Variants in KMT2C observed in about 807,000 individuals in gnomAD.
KMT2C encodes the protein lysine methyltransferase 2C.
KMT2C carries 88 observed loss-of-function variants against 507.9 expected under a neutral mutation model. The observed-to-expected ratio is 0.17, with a 90% confidence interval of 0.15 to 0.21. The LOEUF (loss-of-function observed/expected upper bound fraction) is 0.21, where lower values mean the gene tolerates loss of function less well. Ranked by LOEUF, KMT2C falls within the 10% of genes least tolerant of loss-of-function variation. The pLI is 1.00. For synonymous variants in KMT2C, 2,049 were observed against 2,080.8 expected (o/e 0.98, Z 0.42); for missense variants, 4,954 against 5,957.8 (o/e 0.83, Z 5.55).
In KMT2C at chr7:152,199,307, G is replaced by C. The variant is rs772037783; in HGVS notation, c.4245C>G (p.Ser1415=). Residue 1415 remains serine (S), a synonymous_variant, in exon 27 of 59, where the codon TCC becomes TCG. Transcript: ENST00000262189. ...DPSLDPLLSS[S]SAPTKSGTHG... is the part of the protein sequence containing the mutation. ...GAGTTCCAGATTTTGTTGGAGCCGA[G>C]GATGAACTAAGTAGTGGATCTAAGG... 5 of 1,596,758 alleles carry C rather than the reference G, an allele frequency of 3.1e-6. No homozygotes were observed. In the African/African-American group the frequency reaches 4.1e-5, roughly 13 times the overall value.
intron 2 of KMT2C, among the ~76,000 whole-genome samples, chr7:152,335,326 A>G (rs1464262794): frequency 6.6e-6 from 1 of 152,218 alleles, no homozygotes; most frequent in Non-Finnish European, 1.5e-5. Context: ...AGAGTCCCAG[A>G]ATACATTTTG....
At chr7:152,356,786 G>A (rs998143077) in intron 2 of KMT2C, among the ~76,000 whole-genome samples, 2 of 149,720 alleles carry the variant, frequency 1.3e-5, no homozygotes, top group African/African-American at 4.9e-5. Flanking sequence ...GACCAGGAGG[G>A]AGACTGAGGC....
At chr7:152,146,517 AC>A in intron 53 of KMT2C, 81 bp downstream of exon 53, 1 of 1,391,610 alleles carries the variant, frequency 7.2e-7, no homozygotes, top group Non-Finnish European at 1.0e-6. Flanking sequence ...GAAGAGTGCC[AC>A]AAATGTTACA....
Position 152,181,061 on chromosome 7 carries a change from T to C in KMT2C, c.6799A>G (p.Arg2267Gly), listed in dbSNP as rs1398065096. ...RGPALPGPLV[R>G]PPDTCSQTPR... ...GTCTGGGAACATGTATCAGGTGGCC[T>C]TACCAACGGGCCAGGTAAAGCTGGT... Residue 2267 changes from arginine to glycine, a missense_variant, in exon 36 of 59, where the codon AGG (arginine) becomes GGG (glycine). By Grantham distance (125) the Arg-to-Gly change is moderately radical (BLOSUM62 -2). Transcript: ENST00000262189. The C allele has an allele frequency of 3.7e-6, 6 of 1,614,044 alleles. No homozygotes were observed. Among genetic ancestry groups the C allele is most frequent in the Non-Finnish European group, 1.7e-6 (2 of 1,180,028 alleles).
Position 152,368,530 on chromosome 7 carries a change from C to A in KMT2C, c.162-9855G>T, listed in dbSNP as rs530325531. 3.2e-5 allele frequency: 44 copies of A among 1,357,620 alleles called. 1 individual carries two copies. In the East Asian group the frequency reaches 1.1e-3, roughly 33 times the overall value. The allele number at this position is 1,357,620 out of a possible 1,614,324, so 84.1% of individuals were successfully genotyped here. Reference sequence around the variant, plus strand: ...AATGAAAAAGAATTTGGAAGCACAGCACAAAGAATTAGAGGAAAAACGTCG... The same window carrying A: ...AATGAAAAAGAATTTGGAAGCACAGAACAAAGAATTAGAGGAAAAACGTCG... On this transcript the variant is annotated intron_variant, in intron 1 of 58. Coordinates refer to ENST00000262189, the MANE Select transcript of KMT2C (RefSeq NM_170606.3).
At chr7:152,159,568 A>T (rs760372001) in intron 43 of KMT2C, among the ~76,000 whole-genome samples, 1 of 152,254 alleles carries the variant, frequency 6.6e-6, no homozygotes, top group African/African-American at 2.4e-5. Context: ...GAGAACAGAT[A>T]GCACCAGACA....
In KMT2C at chr7:152,256,952, C is replaced by G. The variant is rs144523546; in HGVS notation, c.1300-4237G>C. ...CCCAAGAAAGGGAATCTGACAGTAT[C>G]TAACAAAGCTACATATGTGTACACT... On this transcript the variant is annotated intron_variant, in intron 9 of 58. Transcript: ENST00000262189. 2.0e-3 allele frequency among the ~76,000 whole-genome samples: 297 copies of G among 152,230 alleles called. 2 individuals carry two copies. Among genetic ancestry groups the G allele is most frequent in the Admixed American group, 1.6e-3 (24 of 15,280 alleles).
intron 7 of KMT2C, among the ~76,000 whole-genome samples, chr7:152,269,593 A>G (rs2095921229): frequency 1.3e-5 from 2 of 152,248 alleles, no homozygotes. Flanking sequence ...GACAGGCTAT[A>G]ACTAAAGATA....
At chr7:152,354,698 G>A (rs1014988799) in intron 2 of KMT2C, among the ~76,000 whole-genome samples, 2 of 152,158 alleles carry the variant, frequency 1.3e-5, no homozygotes, top group Non-Finnish European at 2.9e-5. Flanking sequence ...GACAAAAAGT[G>A]CAAATGCCTG....
In KMT2C at chr7:152,151,588, G is replaced by A. The variant is rs2129096724; in HGVS notation, c.12527-7C>T. 3.7e-6 allele frequency: 6 copies of A among 1,610,652 alleles called. No individual in the cohort carries two copies. Among genetic ancestry groups the A allele is most frequent in the African/African-American group, 1.3e-5 (1 of 74,882 alleles). On this transcript the variant is annotated splice_polypyrimidine_tract_variant and splice_region_variant and intron_variant, in intron 49 of 58. Transcript: ENST00000262189. ...TCCTTATATCCAGAAAGACCTAAAG[G>A]CAATCAACTTTTGTTAGTAATTAAA...
At chr7:152,179,742 G>C in intron 37 of KMT2C, 92 bp downstream of exon 37, 1 of 1,170,608 alleles carries the variant, frequency 8.5e-7, no homozygotes, top group Non-Finnish European at 1.2e-6. Flanking sequence ...GCCTCAGCTA[G>C]TAGCTAGGAT....
intron 1 of KMT2C, among the ~76,000 whole-genome samples, chr7:152,362,046 T>C (rs2097201640): frequency 6.6e-6 from 1 of 152,182 alleles, no homozygotes; most frequent in Non-Finnish European, 1.5e-5. Flanking sequence ...AAATCCCTCC[T>C]GTCACAAAAC....
intron 1 of KMT2C, among the ~76,000 whole-genome samples, chr7:152,412,857 C>A (rs1417192229): frequency 6.6e-6 from 1 of 152,184 alleles, no homozygotes; most frequent in Non-Finnish European, 1.5e-5. Context: ...TCTATAAAAT[C>A]TTACCAACTC....
intron 3 of KMT2C, among the ~76,000 whole-genome samples, chr7:152,329,729 CAGGTAAGG>C (rs1048125869): frequency 1.3e-5 from 2 of 150,072 alleles, no homozygotes; most frequent in Non-Finnish European, 3.0e-5. Flanking sequence ...GGGAGGGAGA[CAGGTAAGG>C]AGGGAGGGAA....
At chr7:152,247,687 T>G (rs1395783498) in intron 14 of KMT2C, among the ~76,000 whole-genome samples, 3 of 152,298 alleles carry the variant, frequency 2.0e-5, no homozygotes, top group African/African-American at 7.2e-5. Context: ...CCAACTGAGT[T>G]GAAATTCCAA....
chr7:152,394,442 G>T (rs1386854288), intron 1 of KMT2C, among the ~76,000 whole-genome samples: 1 of 41,110 alleles, frequency 2.4e-5, no homozygotes, highest in Non-Finnish European at 4.6e-5. Context: ...TCCTGCCTCT[G>T]GGGCTTTTGC....
intron 2 of KMT2C, among the ~76,000 whole-genome samples, chr7:152,341,146 A>G (rs540326855): frequency 2.6e-5 from 4 of 152,338 alleles, no homozygotes; most frequent in Admixed American, 2.6e-4. Context: ...TGAACCAATG[A>G]AACTGTCTTG....
intron 26 of KMT2C, 126 bp downstream of exon 26, chr7:152,202,808 T>C: frequency 1.3e-6 from 1 of 798,028 alleles, no homozygotes; most frequent in Non-Finnish European, 1.9e-6. Flanking sequence ...ATGGCATTTA[T>C]GATGACTAAA....
intron 43 of KMT2C, among the ~76,000 whole-genome samples, chr7:152,159,526 G>A (rs976372877): frequency 6.6e-6 from 1 of 152,198 alleles, no homozygotes; most frequent in Non-Finnish European, 1.5e-5. Flanking sequence ...ACAGGCTCCA[G>A]AAAAGCTTTA....
Sources: allele counts gnomAD v4.1 joint callset (sites outside exome capture counted in the v4.1 genomes callset), GRCh38; gene constraint gnomAD v4.1.1; transcripts MANE v1.5; gene names NCBI Gene and HGNC (gene_info 2026-07-23, HGNC 2026-07-21).